Variants in EPM2A observed in about 807,000 individuals in gnomAD.
EPM2A encodes laforin.
Under a neutral mutation model 26.5 loss-of-function variants are expected in EPM2A, and 21 were observed. The ratio of observed to expected loss-of-function variants is 0.79; its 90% CI spans 0.56 to 1.14. EPM2A has a LOEUF of 1.14. EPM2A is among the 50% of genes most tolerant of loss of function. The probability of loss-of-function intolerance (pLI) is 0.00; values close to 1 mark genes in which losing one functional copy is unlikely to be tolerated. For synonymous variants in EPM2A, 217 were observed against 177.6 expected (o/e 1.22, Z -1.76); for missense variants, 458 against 440.8 (o/e 1.04, Z -0.35).
At chr6:145,399,474 C>G (rs1778452070) in intron 4 of EPM2A, among the ~76,000 whole-genome samples, 1 of 152,136 alleles carries the variant, frequency 6.6e-6, no homozygotes, top group African/African-American at 2.4e-5. Context: ...CTGGGAGTTT[C>G]TCAAGAGACT....
At chr6:145,409,469 CTA>C (rs375301326) in intron 4 of EPM2A, among the ~76,000 whole-genome samples, 1 of 152,046 alleles carries the variant, frequency 6.6e-6, no homozygotes, top group African/African-American at 2.4e-5. Context: ...TCTAATTATG[CTA>C]TGATGTTTAA....
rs183424877 is a variant in EPM2A at position 145,440,781 on chromosome 6, A to C, written c.556-56684T>G. On this transcript the variant is annotated intron_variant, in intron 4 of 4. Transcript: ENST00000638717. ...TGACTCCATGTCTCATATCCAGGTC[A>C]TTTGATGTAACAGGTGGGCTCCCAC... 2.6e-4 allele frequency among the ~76,000 whole-genome samples: 40 copies of C among 152,360 alleles called. No homozygotes were observed. The South Asian group carries it at 6.2e-3, about 24-fold the overall frequency.
At chr6:145,403,635 G>C (rs1778526893) in intron 4 of EPM2A, among the ~76,000 whole-genome samples, 1 of 152,034 alleles carries the variant, frequency 6.6e-6, no homozygotes, top group Non-Finnish European at 1.5e-5. Flanking sequence ...CACTGTGTAT[G>C]AGTACCACAT....
chr6:145,635,018 C>T, intron 3 of EPM2A: 1 of 481,010 alleles, frequency 2.1e-6, no homozygotes, highest in Non-Finnish European at 3.7e-6. Flanking sequence ...GCCGCATACC[C>T]AGTACATACA....
In EPM2A at chr6:145,449,142, T is replaced by A. The variant is rs527857624; in HGVS notation, c.555+53380A>T. ...GTCAGGGCTACTGTGATTTATAGACTATTTACGTTAACTGGTATTATGCTG... is the reference window on the plus strand; with the variant it reads ...GTCAGGGCTACTGTGATTTATAGACAATTTACGTTAACTGGTATTATGCTG... On this transcript the variant is annotated intron_variant, in intron 4 of 4. Transcript: ENST00000638717. Among the ~76,000 whole-genome samples, 3 of 152,364 alleles carry A rather than the reference T, an allele frequency of 2.0e-5. No homozygotes were observed. In the South Asian group the frequency reaches 6.2e-4, roughly 32 times the overall value.
intron 4 of EPM2A, among the ~76,000 whole-genome samples, chr6:145,435,572 A>AT (rs543190494): frequency 9.9e-5 from 15 of 151,568 alleles, no homozygotes; most frequent in African/African-American, 2.2e-4. Context: ...AATTATTCTG[A>AT]TTTTTTTTAA....
At chr6:145,547,037 C>T (rs1027466430) in intron 2 of EPM2A, among the ~76,000 whole-genome samples, 1 of 152,066 alleles carries the variant, frequency 6.6e-6, no homozygotes, top group South Asian at 2.1e-4. Context: ...ACCAGTTGTT[C>T]CCTTCTCCAT....
At chr6:145,537,749 C>T (rs1780451835) in intron 2 of EPM2A, among the ~76,000 whole-genome samples, 1 of 152,096 alleles carries the variant, frequency 6.6e-6, no homozygotes, top group South Asian at 2.1e-4. Flanking sequence ...CTCTCGCTCC[C>T]CTCACTCCCC....
intron 4 of EPM2A, among the ~76,000 whole-genome samples, chr6:145,452,287 C>A (rs1779204742): frequency 6.6e-6 from 1 of 151,956 alleles, no homozygotes; most frequent in South Asian, 2.1e-4. Flanking sequence ...GCTGTGTGAC[C>A]TGTGTTAACC....
chr6:145,610,662 G>A, intron 2 of EPM2A, among the ~76,000 whole-genome samples: 1 of 152,178 alleles, frequency 6.6e-6, no homozygotes, highest in East Asian at 1.9e-4. Flanking sequence ...AGATTTCTAG[G>A]TCTTGTTTTC....
chr6:145,664,799 T>A (rs1478934772), intron 2 of EPM2A, among the ~76,000 whole-genome samples: 2 of 151,930 alleles, frequency 1.3e-5, no homozygotes, highest in East Asian at 1.9e-4. Context: ...AGAACAGAAA[T>A]TATAACAAAC....
At chr6:145,689,781 C>T (rs1781158238) in intron 1 of EPM2A, among the ~76,000 whole-genome samples, 2 of 152,346 alleles carry the variant, frequency 1.3e-5, no homozygotes, top group East Asian at 1.9e-4. Flanking sequence ...AGTGCCTCAA[C>T]CCACTCACTA....
intron 2 of EPM2A, among the ~76,000 whole-genome samples, chr6:145,661,062 A>G (rs1199577681): frequency 1.3e-5 from 2 of 152,182 alleles, no homozygotes; most frequent in Non-Finnish European, 2.9e-5. Context: ...GCACAGCAAC[A>G]GAGGCCCTGA....
chr6:145,480,566 C>T (rs539503303), intron 4 of EPM2A, among the ~76,000 whole-genome samples: 5 of 152,024 alleles, frequency 3.3e-5, no homozygotes, highest in East Asian at 1.9e-4. Flanking sequence ...GTTATCTTTT[C>T]GATTTCTTCA....
At chr6:145,655,030 C>A (rs1045314441) in intron 2 of EPM2A, among the ~76,000 whole-genome samples, 1 of 152,058 alleles carries the variant, frequency 6.6e-6, no homozygotes, top group Non-Finnish European at 1.5e-5. Context: ...CCCAAAAATG[C>A]ACGCATCGTT....
At chr6:145,395,833 CT>C (rs1387704735) in intron 4 of EPM2A, among the ~76,000 whole-genome samples, 2 of 152,154 alleles carry the variant, frequency 1.3e-5, no homozygotes, top group Non-Finnish European at 2.9e-5. Context: ...ATCAGAGATT[CT>C]GCTGTGTCCT....
At position 145,554,462 on chromosome 6, in the gene EPM2A, AGAT is replaced by A. The variant is rs1204863065; in HGVS notation, c.341-51890_341-51888del. On this transcript the variant is annotated intron_variant, in intron 2 of 3. Transcript: ENST00000450221. ...TAGATAGATAGATAGATAGATAGATAGATAGATACATAGACAGAGAGACAGATT... is the reference window on the plus strand; with the variant it reads ...TAGATAGATAGATAGATAGATAGATAAGATACATAGACAGAGAGACAGATT... 2.6e-5 allele frequency among the ~76,000 whole-genome samples: 4 copies of A among 152,040 alleles called. No homozygotes were observed. In the East Asian group the frequency reaches 7.7e-4, roughly 29 times the overall value.
chr6:145,409,720 TA>T (rs1369430432), intron 4 of EPM2A, among the ~76,000 whole-genome samples: 3 of 152,196 alleles, frequency 2.0e-5, no homozygotes, highest in Admixed American at 2.0e-4. Flanking sequence ...CTATATGAGC[TA>T]GGGGGACTCT....
At position 145,537,208 on chromosome 6, in the gene EPM2A, A is replaced by G. The variant is rs1198717776; in HGVS notation, c.341-34633T>C. Among the ~76,000 whole-genome samples, 4 of 152,196 alleles carry G rather than the reference A, an allele frequency of 2.6e-5. No homozygotes were observed. In the South Asian group the frequency reaches 6.2e-4, roughly 24 times the overall value. On this transcript the variant is annotated intron_variant, in intron 2 of 3. Transcript: ENST00000450221. ...ATAGGAGGCTAGTTTCCTGGGTTGT[A>G]TATGGTAGATAAGGAGTTGGTTTCC...
Sources: gnomAD v4.1 joint callset for allele counts (sites outside exome capture counted in the v4.1 genomes callset) on GRCh38, gnomAD v4.1.1 for gene constraint, MANE v1.5 for transcripts, NCBI Gene and HGNC (gene_info 2026-07-23, HGNC 2026-07-21) for gene names.